Variants in PTPRG observed in about 807,000 individuals in gnomAD.
The protein encoded by PTPRG is receptor-type tyrosine-protein phosphatase gamma.
A neutral mutation model predicts 165.3 loss-of-function variants in PTPRG; 102 were observed. That is an observed-to-expected ratio of 0.62 (90% CI 0.53 to 0.73). The LOEUF is 0.73. PTPRG is among the 30% of genes least tolerant of loss of function. PTPRG has a pLI of 0.00. For missense variants in PTPRG, 1,866 were observed against 1,861.4 expected (o/e 1.00, Z -0.05); for synonymous variants, 675 against 669.5 (o/e 1.01, Z -0.13).
chr3:61,962,407 G>C (rs1050748459), intron 2 of PTPRG, among the ~76,000 whole-genome samples: 2 of 152,178 alleles, frequency 1.3e-5, no homozygotes, highest in African/African-American at 4.8e-5. Flanking sequence ...GAGGGAACAT[G>C]TTTAACCTCT....
chr3:61,773,764 C>G (rs994386943), intron 2 of PTPRG, among the ~76,000 whole-genome samples: 10 of 150,274 alleles, frequency 6.7e-5, no homozygotes, highest in African/African-American at 2.2e-4. Flanking sequence ...AAGTTAAAAC[C>G]TTCTCCCCCA....
intron 2 of PTPRG, among the ~76,000 whole-genome samples, chr3:61,902,483 G>A (rs191260015): frequency 6.6e-6 from 1 of 152,216 alleles, no homozygotes; most frequent in Admixed American, 6.5e-5. Context: ...TGTAAGACCT[G>A]CTATCTTTTA....
At chr3:61,586,638 A>G (rs575557993) in intron 1 of PTPRG, among the ~76,000 whole-genome samples, 2 of 152,234 alleles carry the variant, frequency 1.3e-5, no homozygotes, top group Admixed American at 6.5e-5. Flanking sequence ...TGATGAGACC[A>G]ATAGGGTTGT....
intron 1 of PTPRG, among the ~76,000 whole-genome samples, chr3:61,654,782 C>CTTTTTTT (rs5849443): frequency 3.9e-5 from 5 of 129,442 alleles, no homozygotes; most frequent in Non-Finnish European, 6.3e-5. Flanking sequence ...TGTGCTTTTT[C>CTTTTTTT]TTTTTTTTTT....
chr3:61,620,699 G>T (rs577653618), intron 1 of PTPRG, among the ~76,000 whole-genome samples: 5 of 152,006 alleles, frequency 3.3e-5, no homozygotes, highest in African/African-American at 1.2e-4. Flanking sequence ...TGCGATTTTG[G>T]CTCACTGCAA....
At chr3:61,731,288 G>A (rs1453802715) in intron 1 of PTPRG, among the ~76,000 whole-genome samples, 1 of 152,032 alleles carries the variant, frequency 6.6e-6, no homozygotes, top group Non-Finnish European at 1.5e-5. Context: ...TGTTCTTGGG[G>A]ACAGGAACAT....
chr3:62,203,792 T>C lies in PTPRG; in HGVS notation c.1997T>C (p.Leu666Pro), dbSNP rs749600695. 1 of 1,613,332 alleles carries C rather than the reference T, an allele frequency of 6.2e-7. No homozygotes were observed. Among genetic ancestry groups the C allele is most frequent in the Non-Finnish European group, 8.5e-7 (1 of 1,179,730 alleles). Reference protein sequence around the residue: ...TGGRRDAGPGLDPDMVTSTQV... With the variant: ...TGGRRDAGPGPDPDMVTSTQV... ...GGAAGGAGGGATGCCGGCCCAGGCC[T>C]GGACCCCGACATGGTCACCTCCACC... Residue 666 changes from leucine to proline, a missense_variant, in exon 12 of 30, where the codon CTG (leucine) becomes CCG (proline). Transcript: ENST00000474889. The surrounding 1 kb of genome is among the most constrained non-coding windows in gnomAD (Gnocchi z 6.4).
At chr3:61,648,834 G>C (rs1385696567) in intron 1 of PTPRG, among the ~76,000 whole-genome samples, 2 of 152,222 alleles carry the variant, frequency 1.3e-5, no homozygotes, top group Non-Finnish European at 2.9e-5. Context: ...AGTAATGAGG[G>C]TTGGGGGCTG....
At chr3:61,854,641 C>T (rs1458721370) in intron 2 of PTPRG, among the ~76,000 whole-genome samples, 2 of 152,136 alleles carry the variant, frequency 1.3e-5, no homozygotes, top group Non-Finnish European at 2.9e-5. Context: ...TTATCAAGCA[C>T]TGTGCTAGTG....
chr3:62,230,263 C>T (rs905125648), intron 13 of PTPRG, among the ~76,000 whole-genome samples: 1 of 152,142 alleles, frequency 6.6e-6, no homozygotes, highest in African/African-American at 2.4e-5. Flanking sequence ...ACCTAACACT[C>T]CAGAATTAGA....
At chr3:61,571,000 C>CACAGAG (rs1020489771) in intron 1 of PTPRG, among the ~76,000 whole-genome samples, 6 of 152,202 alleles carry the variant, frequency 3.9e-5, no homozygotes, top group African/African-American at 1.4e-4. Flanking sequence ...ACACCAAAAC[C>CACAGAG]ACAGAGACCT....
chr3:62,017,386 G>C (rs1451292910), intron 4 of PTPRG, among the ~76,000 whole-genome samples: 2 of 151,998 alleles, frequency 1.3e-5, no homozygotes, highest in East Asian at 3.9e-4. Context: ...CATGCTGTGA[G>C]GCTAAGCGTT....
chr3:62,113,668 G>C (rs750090387), intron 5 of PTPRG, among the ~76,000 whole-genome samples: 6 of 152,148 alleles, frequency 3.9e-5, no homozygotes, highest in Non-Finnish European at 5.9e-5. Flanking sequence ...CCTACCCTCT[G>C]GAGGGAACCA....
chr3:61,666,496 C>T (rs1377203799), intron 1 of PTPRG, among the ~76,000 whole-genome samples: 1 of 152,182 alleles, frequency 6.6e-6, no homozygotes, highest in Non-Finnish European at 1.5e-5. Flanking sequence ...AGCCTAGCCT[C>T]TCTGTGCCAT....
chr3:62,204,477 T>C (rs761170630), intron 12 of PTPRG, among the ~76,000 whole-genome samples: 11 of 151,924 alleles, frequency 7.2e-5, no homozygotes, highest in Non-Finnish European at 1.5e-4. Flanking sequence ...AGCTAGATGG[T>C]GGTTAGTCGG....
chr3:62,261,161 ATC>A (rs1701686029), intron 16 of PTPRG: 1 of 152,216 alleles, frequency 6.6e-6, no homozygotes, highest in Non-Finnish European at 1.5e-5. Flanking sequence ...AAAAGCCAAA[ATC>A]TCTCAGCATA....
intron 1 of PTPRG, among the ~76,000 whole-genome samples, chr3:61,578,522 C>G (rs1357411064): frequency 1.3e-5 from 2 of 152,134 alleles, no homozygotes; most frequent in Non-Finnish European, 2.9e-5. Context: ...ATCCAAAATC[C>G]CCTCTTGGGA....
chr3:61,992,837 T>G (rs1300526407), intron 3 of PTPRG, among the ~76,000 whole-genome samples: 3 of 151,866 alleles, frequency 2.0e-5, no homozygotes, highest in African/African-American at 7.3e-5. Context: ...CGGCTAATTT[T>G]TGTATTTTTA....
At chr3:62,026,167 G>C (rs979675132) in intron 4 of PTPRG, among the ~76,000 whole-genome samples, 4 of 152,152 alleles carry the variant, frequency 2.6e-5, no homozygotes, top group Non-Finnish European at 5.9e-5. Context: ...GATTTCTTAG[G>C]CTGAAGCAGC....
Sources: gnomAD v4.1 joint callset for allele counts (sites outside exome capture counted in the v4.1 genomes callset) on GRCh38, gnomAD v4.1.1 for gene constraint, Gnocchi (gnomAD v3.1) non-coding constraint, MANE v1.5 for transcripts, NCBI Gene and HGNC (gene_info 2026-07-23, HGNC 2026-07-21) for gene names.